CHST12: variants seen among roughly 807,000 people sequenced by gnomAD.
The protein encoded by CHST12 is carbohydrate (chondroitin 4) sulfotransferase 12.
A neutral mutation model predicts 27.9 loss-of-function variants in CHST12; 23 were observed. The observed-to-expected ratio is 0.82, with a 90% CI of 0.59 to 1.17. CHST12 has a LOEUF of 1.17. CHST12 is among the 50% of genes most tolerant of loss of function. CHST12 has a pLI of 0.00. For synonymous variants in CHST12, 322 were observed against 273.0 expected, an observed-to-expected ratio of 1.18 and a Z score of -1.77; for missense variants, 682 against 603.0, an observed-to-expected ratio of 1.13 and a Z score of -1.37.
intron 1 of CHST12, among the ~76,000 whole-genome samples, chr7:2,417,296 C>G (rs765350071): frequency 6.6e-5 from 10 of 150,912 alleles, no homozygotes; most frequent in Non-Finnish European, 1.2e-4. Context: ...GTGATCTCAG[C>G]TCACTGCAAC....
In CHST12 at chr7:2,446,392, C is replaced by CCAGCCCAGCGCGTGGCCTGGCAT. The variant is rs1782752167; in HGVS notation, c.*12509_*12531dup. The CCAGCCCAGCGCGTGGCCTGGCAT allele has an allele frequency of 6.5e-6, 1 of 152,800 alleles. No individual in the cohort carries two copies. Among genetic ancestry groups the CCAGCCCAGCGCGTGGCCTGGCAT allele is most frequent in the Admixed American group, 6.5e-5 (1 of 15,296 alleles). 9.5% of individuals were successfully genotyped at this position (152,800 alleles called of 1,614,324 possible). A position where few individuals can be genotyped will look rare whatever the true frequency, so the allele number is the denominator to read the frequency against. ...ACCCAGGCTCTGAGGAAAAACCTCT[C>CCAGCCCAGCGCGTGGCCTGGCAT]CAGCCCAGCGCGTGGCCTGGCATTA... On this transcript the variant is annotated 3_prime_UTR_variant, in exon 2 of 2. Coordinates refer to ENST00000618655, the MANE Select transcript of CHST12 (RefSeq NM_018641.5).
chr7:2,411,809 T>G (rs910513255), intron 1 of CHST12, among the ~76,000 whole-genome samples: 4 of 152,224 alleles, frequency 2.6e-5, no homozygotes, highest in African/African-American at 9.6e-5. Context: ...TTAAGTCAGT[T>G]GAGTCAAGTG....
rs960375328 is a variant in CHST12, at chr7:2,436,024, G to C, written c.*2140G>C. On this transcript the variant is annotated 3_prime_UTR_variant, in exon 2 of 2. Coordinates refer to ENST00000618655, the MANE Select transcript of CHST12 (RefSeq NM_018641.5). ...AGATGAGGTCTCACTGTGTTGCCCA[G>C]GCTGCTCTCAAACTCCTGGGCTCAA... is the stretch of plus-strand genomic sequence containing the variant. 7.9e-5 allele frequency: 12 copies of C among 152,100 alleles called. No individual in the cohort carries two copies. The highest frequency in any genetic ancestry group is 2.9e-4 in the African/African-American group (12 of 41,344). 9.4% of individuals were successfully genotyped at this position (152,100 alleles called of 1,614,324 possible). A position where few individuals can be genotyped will look rare whatever the true frequency, so the allele number is the denominator to read the frequency against.
chr7:2,404,568 A>G (rs927283562), intron 1 of CHST12, among the ~76,000 whole-genome samples: 1 of 152,236 alleles, frequency 6.6e-6, no homozygotes, highest in African/African-American at 2.4e-5. Flanking sequence ...GGTTGGGGAC[A>G]GCTCAGCGGG....
rs1554282401 is a variant in CHST12, at chr7:2,434,118, C to CCGCCCGCCCGCT, written c.*241_*242insCCGCTCGCCCGC. 3 of 353,740 alleles carry CCGCCCGCCCGCT rather than the reference C, an allele frequency of 8.5e-6. No individual in the cohort carries two copies. The highest frequency in any genetic ancestry group is 1.0e-4 in the Admixed American group (2 of 20,088). The allele number at this position is 353,740 out of a possible 1,614,324, so 21.9% of individuals were successfully genotyped here. On this transcript the variant is annotated 3_prime_UTR_variant, in exon 2 of 2. Transcript: ENST00000618655. Reference sequence around the variant, plus strand: ...CTCTCCCCTCCGCCCGCCCACCCGCCCGCCCGCTCGCCCGCTCGCCCGCTC... The same window carrying CCGCCCGCCCGCT: ...CTCTCCCCTCCGCCCGCCCACCCGCCCGCCCGCCCGCTCGCCCGCTCGCCCGCTCGCCCGCTC...
At chr7:2,429,671 TA>T (rs1782224340) in intron 1 of CHST12, among the ~76,000 whole-genome samples, 2 of 152,224 alleles carry the variant, frequency 1.3e-5, no homozygotes, top group African/African-American at 4.8e-5. Flanking sequence ...AAATTGTTTG[TA>T]ATAGTTCCTT....
intron 1 of CHST12, among the ~76,000 whole-genome samples, chr7:2,405,834 C>T (rs1047351870): frequency 6.6e-6 from 1 of 152,000 alleles, no homozygotes; most frequent in African/African-American, 2.4e-5. Flanking sequence ...GCAGAGTTGG[C>T]GGTATTGGTG....
chr7:2,408,854 C>T (rs1781592488), intron 1 of CHST12, among the ~76,000 whole-genome samples: 1 of 152,124 alleles, frequency 6.6e-6, no homozygotes, highest in Non-Finnish European at 1.5e-5. Flanking sequence ...CAGCCAGGTG[C>T]TGGTGTGAAG....
chr7:2,405,619 C>T (rs1781503152), intron 1 of CHST12, among the ~76,000 whole-genome samples: 1 of 151,984 alleles, frequency 6.6e-6, no homozygotes, highest in Non-Finnish European at 1.5e-5. Flanking sequence ...GTTGAGTAGC[C>T]TTGTGGGGCG....
chr7:2,405,030 T>A (rs960116149), intron 1 of CHST12, among the ~76,000 whole-genome samples: 4 of 152,130 alleles, frequency 2.6e-5, no homozygotes, highest in African/African-American at 9.7e-5. Context: ...GGAGAGGACC[T>A]ATGAATTGGG....
At chr7:2,425,608 G>C (rs1782095341) in intron 1 of CHST12, among the ~76,000 whole-genome samples, 1 of 152,028 alleles carries the variant, frequency 6.6e-6, no homozygotes. Flanking sequence ...TGAGTCACCT[G>C]TAAGGCCCAC....
At chr7:2,426,343 A>G (rs1396588864) in intron 1 of CHST12, among the ~76,000 whole-genome samples, 1 of 152,196 alleles carries the variant, frequency 6.6e-6, no homozygotes, top group Non-Finnish European at 1.5e-5. Context: ...TACCATGTGC[A>G]TGCACGTGGT....
intron 1 of CHST12, among the ~76,000 whole-genome samples, chr7:2,426,814 A>C (rs1440531669): frequency 6.6e-6 from 1 of 151,898 alleles, no homozygotes; most frequent in African/African-American, 2.4e-5. Flanking sequence ...AACATGGTGG[A>C]GCTCCATCCC....
Position 2,433,894 on chromosome 7 carries a change from C to T in CHST12, c.*10C>T, listed in dbSNP as rs375240882. 10 of 1,550,000 alleles carry T rather than the reference C, an allele frequency of 6.5e-6. No individual in the cohort carries two copies. Among genetic ancestry groups the T allele is most frequent in the African/African-American group, 2.8e-5 (2 of 72,250 alleles). On this transcript the variant is annotated 3_prime_UTR_variant, in exon 2 of 2. Coordinates refer to ENST00000618655, the MANE Select transcript of CHST12 (RefSeq NM_018641.5). This position sits in a 1 kb window ranked among gnomAD's most constrained non-coding sequence, Gnocchi z 6.1. ...CCTCCTCCGAGACTGAAAGCTTTCG[C>T]GTTGCTTTTTCTCGCGTGCCTGGAA...
intron 1 of CHST12, among the ~76,000 whole-genome samples, chr7:2,408,883 C>A (rs1251842286): frequency 6.6e-6 from 1 of 152,256 alleles, no homozygotes; most frequent in Non-Finnish European, 1.5e-5. Flanking sequence ...TGTCCTGACC[C>A]CAGCTGGTCA....
intron 1 of CHST12, among the ~76,000 whole-genome samples, chr7:2,417,294 A>G (rs1781836265): frequency 1.3e-5 from 2 of 149,098 alleles, no homozygotes; most frequent in South Asian, 4.2e-4. Context: ...GCGTGATCTC[A>G]GCTCACTGCA....
At chr7:2,406,818 C>T (rs1278142128) in intron 1 of CHST12, among the ~76,000 whole-genome samples, 1 of 152,024 alleles carries the variant, frequency 6.6e-6, no homozygotes, top group Admixed American at 6.6e-5. Flanking sequence ...AGCAGATAAC[C>T]AAGGGCATCT....
rs1782305474 is a variant in CHST12, at chr7:2,432,623, A to C, written c.-17A>C. 3.1e-6 allele frequency: 5 copies of C among 1,596,680 alleles called. No homozygotes were observed. The highest frequency in any genetic ancestry group is 4.3e-6 in the Non-Finnish European group (5 of 1,168,166). ...GAAGTGAGAGGCCCGGAGAGGGCCC[A>C]GCCCGCCCGGGGCAGGATGACCAAG... On this transcript the variant is annotated 5_prime_UTR_variant, in exon 2 of 2. Transcript: ENST00000618655.
chr7:2,434,137 C>T lies in CHST12; in HGVS notation c.*253C>T. 2.9e-6 allele frequency: 1 copy of T among 339,774 alleles called. No individual in the cohort carries two copies. The highest frequency in any genetic ancestry group is 5.6e-6 in the Non-Finnish European group (1 of 177,534). The allele number at this position is 339,774 out of a possible 1,614,324, so 21.0% of individuals were successfully genotyped here. A position where few individuals can be genotyped will look rare whatever the true frequency, so the allele number is the denominator to read the frequency against. Reference sequence around the variant, plus strand: ...ACCCGCCCGCCCGCTCGCCCGCTCGCCCGCTCCTGTGGTTTTTCTGAGCGT... The same window carrying T: ...ACCCGCCCGCCCGCTCGCCCGCTCGTCCGCTCCTGTGGTTTTTCTGAGCGT... On this transcript the variant is annotated 3_prime_UTR_variant, in exon 2 of 2. Coordinates refer to ENST00000618655, the MANE Select transcript of CHST12 (RefSeq NM_018641.5).
Sources: gnomAD v4.1 joint callset for allele counts (sites outside exome capture counted in the v4.1 genomes callset) on GRCh38, gnomAD v4.1.1 for gene constraint, Gnocchi (gnomAD v3.1) non-coding constraint, MANE v1.5 for transcripts, NCBI Gene and HGNC (gene_info 2026-07-23, HGNC 2026-07-21) for gene names.